The following DPP10 variants were observed in gnomAD, a reference collection of about 807,000 sequenced individuals.
DPP10 encodes the protein inactive dipeptidyl peptidase 10.
A neutral mutation model predicts 120.9 loss-of-function variants in DPP10; 33 were observed. The observed-to-expected ratio is 0.27, with a 90% CI of 0.21 to 0.37. The LOEUF (loss-of-function observed/expected upper bound fraction) is 0.37, where lower values mean the gene tolerates loss of function less well. Among genes scored for constraint, DPP10 ranks in the 10% least tolerant of loss-of-function variants. The pLI, the probability that DPP10 is intolerant of heterozygous loss-of-function variation, is 1.00. For missense variants in DPP10, 816 were observed against 942.8 expected (o/e 0.87, Z 1.76); for synonymous variants, 337 against 326.1 (o/e 1.03, Z -0.36).
intron 1 of DPP10, among the ~76,000 whole-genome samples, chr2:114,880,461 G>A (rs1042163745): frequency 2.0e-5 from 3 of 152,072 alleles, no homozygotes; most frequent in South Asian, 2.1e-4. Context: ...TTACCTAGGA[G>A]GGCAGAGTTT....
At chr2:114,556,234 C>CATATATATATATATATATATAT (rs56772742) in intron 1 of DPP10, among the ~76,000 whole-genome samples, 2 of 86,952 alleles carry the variant, frequency 2.3e-5, no homozygotes, top group Non-Finnish European at 4.2e-5. Flanking sequence ...ATAGATGATA[C>CATATATATATATATATATATAT]ATATATATAT....
chr2:115,565,784 T>G (rs2080972661), intron 5 of DPP10, among the ~76,000 whole-genome samples: 2 of 150,426 alleles, frequency 1.3e-5, no homozygotes, highest in Non-Finnish European at 3.0e-5. Context: ...TTTTTGTTTT[T>G]TTTTGTTTTT....
chr2:114,841,519 T>C (rs1159358066), intron 1 of DPP10, among the ~76,000 whole-genome samples: 1 of 152,126 alleles, frequency 6.6e-6, no homozygotes, highest in Non-Finnish European at 1.5e-5. Context: ...AAATGGAGGT[T>C]CAATGTGAAA....
At chr2:115,515,905 C>T (rs2077480865) in intron 4 of DPP10, among the ~76,000 whole-genome samples, 1 of 152,074 alleles carries the variant, frequency 6.6e-6, no homozygotes, top group Admixed American at 6.6e-5. Flanking sequence ...AATAAACACA[C>T]ACACTGAACA....
chr2:114,936,915 C>T (rs1238572622), intron 1 of DPP10, among the ~76,000 whole-genome samples: 1 of 152,116 alleles, frequency 6.6e-6, no homozygotes, highest in Non-Finnish European at 1.5e-5. Flanking sequence ...TATTCATGTC[C>T]TTAGCCCACT....
At chr2:115,351,397 G>C (rs1381268195) in intron 3 of DPP10, among the ~76,000 whole-genome samples, 2 of 151,978 alleles carry the variant, frequency 1.3e-5, no homozygotes, top group African/African-American at 4.8e-5. Flanking sequence ...GGGGAACAAA[G>C]CCTGAAAAAC....
intron 5 of DPP10, among the ~76,000 whole-genome samples, chr2:115,603,122 CTGTGTGTGTGTGTGTG>C (rs61161169): frequency 2.8e-4 from 41 of 144,008 alleles, no homozygotes; most frequent in African/African-American, 1.0e-3. Context: ...ATAAATAAAA[CTGTGTGTGTGTGTGTG>C]TGTGTGTGTG....
At chr2:115,319,771 A>T (rs1249440103) in intron 2 of DPP10, among the ~76,000 whole-genome samples, 2 of 152,160 alleles carry the variant, frequency 1.3e-5, no homozygotes, top group Non-Finnish European at 2.9e-5. Context: ...TTCTAGCAGG[A>T]CTGGTGTCTG....
At chr2:114,803,969 C>G (rs1434460376) in intron 1 of DPP10, among the ~76,000 whole-genome samples, 3 of 152,202 alleles carry the variant, frequency 2.0e-5, no homozygotes, top group Admixed American at 2.0e-4. Flanking sequence ...CTTCCCATCA[C>G]AGGCCCGGAG....
At chr2:115,633,325 G>T (rs1053543507) in intron 5 of DPP10, among the ~76,000 whole-genome samples, 11 of 152,032 alleles carry the variant, frequency 7.2e-5, no homozygotes, top group Non-Finnish European at 1.5e-4. Context: ...GCAAACTATC[G>T]CAAGGACAGA....
chr2:114,551,794 GT>G (rs2104876640), intron 1 of DPP10, among the ~76,000 whole-genome samples: 1 of 152,182 alleles, frequency 6.6e-6, no homozygotes, highest in Non-Finnish European at 1.5e-5. Flanking sequence ...CTTCTTCCCA[GT>G]TTCTGACCTG....
rs139266845 is a variant in DPP10 at position 115,188,911 on chromosome 2, A to G, written c.61-120328A>G. On this transcript the variant is annotated intron_variant, in intron 1 of 25. Transcript: ENST00000410059. Reference sequence around the variant, plus strand: ...ATAGTGAAAGACTGGAAACAGTTCAAATTTTCTTTAATAGTATTGTTGCAC... The same window carrying G: ...ATAGTGAAAGACTGGAAACAGTTCAGATTTTCTTTAATAGTATTGTTGCAC... 3.3e-5 allele frequency among the ~76,000 whole-genome samples: 5 copies of G among 152,320 alleles called. No homozygotes were observed. In the East Asian group the frequency reaches 5.8e-4, roughly 18 times the overall value.
chr2:115,672,646 C>CCTT (rs2089966649), intron 5 of DPP10, among the ~76,000 whole-genome samples: 2 of 21,550 alleles, frequency 9.3e-5, no homozygotes, highest in Non-Finnish European at 2.9e-4. Context: ...CTTTCTTTCT[C>CCTT]TCTCTCTTTC....
chr2:115,301,403 A>G (rs1245884478), intron 1 of DPP10, among the ~76,000 whole-genome samples: 1 of 151,844 alleles, frequency 6.6e-6, no homozygotes, highest in Non-Finnish European at 1.5e-5. Context: ...ACAGGCCAGA[A>G]CTTTGCAAAA....
chr2:115,427,121 T>C (rs973818454), intron 3 of DPP10, among the ~76,000 whole-genome samples: 1 of 152,190 alleles, frequency 6.6e-6, no homozygotes, highest in African/African-American at 2.4e-5. Flanking sequence ...GGCACACAGC[T>C]GCAAGGGGTG....
chr2:114,469,709 CAG>C (rs5833545), intron 1 of DPP10, among the ~76,000 whole-genome samples: 6,503 of 152,186 alleles, frequency 0.043, 180 homozygotes, highest in Middle Eastern at 0.082. Context: ...GCCTGGGTGA[CAG>C]AGTGAGACTC....
intron 1 of DPP10, among the ~76,000 whole-genome samples, chr2:114,734,616 G>A (rs796362698): frequency 7.9e-5 from 12 of 152,284 alleles, no homozygotes; most frequent in African/African-American, 2.9e-4. Flanking sequence ...CTAGGGCTGT[G>A]TCACAGGCCA....
At chr2:115,088,429 CT>C (rs1457529314) in intron 1 of DPP10, among the ~76,000 whole-genome samples, 1 of 152,108 alleles carries the variant, frequency 6.6e-6, no homozygotes, top group Non-Finnish European at 1.5e-5. Flanking sequence ...TCAAAAACAA[CT>C]TTTCTTTTTT....
chr2:115,077,489 C>T lies in DPP10; in HGVS notation c.61-231750C>T, dbSNP rs1410957466. Among the ~76,000 whole-genome samples, 3 of 152,126 alleles carry T rather than the reference C, an allele frequency of 2.0e-5. No homozygotes were observed. The East Asian group carries it at 5.8e-4, about 29-fold the overall frequency. On this transcript the variant is annotated intron_variant, in intron 1 of 25. Coordinates refer to ENST00000410059, the MANE Select transcript of DPP10 (RefSeq NM_020868.6). The stretch of plus-strand genomic sequence containing the variant: ...CAAATAATTATGTAGCTTCTTCCAT[C>T]CCCTCTTTGACATTCCCTAATTTCA...
Sources: gnomAD v4.1 joint callset for allele counts (sites outside exome capture counted in the v4.1 genomes callset) on GRCh38, gnomAD v4.1.1 for gene constraint, MANE v1.5 for transcripts, NCBI Gene and HGNC (gene_info 2026-07-23, HGNC 2026-07-21) for gene names.